Variants in ADAMTS3 observed in about 807,000 individuals in gnomAD.
ADAMTS3 encodes ADAM metallopeptidase with thrombospondin type 1 motif 3.
ADAMTS3 carries 73 observed loss-of-function variants against 129.0 expected under a neutral mutation model. The ratio of observed to expected loss-of-function variants is 0.57; its 90% CI spans 0.47 to 0.69. The LOEUF (loss-of-function observed/expected upper bound fraction) is 0.69. ADAMTS3 is among the 30% of genes least tolerant of loss of function. ADAMTS3 has a pLI of 0.00. For synonymous variants in ADAMTS3, 477 were observed against 510.8 expected (o/e 0.93, Z 0.89); for missense variants, 1,457 against 1,514.5 (o/e 0.96, Z 0.63).
At chr4:72,300,539 G>A (rs1278118972) in intron 17 of ADAMTS3, among the ~76,000 whole-genome samples, 1 of 152,102 alleles carries the variant, frequency 6.6e-6, no homozygotes, top group Non-Finnish European at 1.5e-5. Context: ...AACAGGATGA[G>A]AGTCTAGAAT....
intron 3 of ADAMTS3, among the ~76,000 whole-genome samples, chr4:72,496,338 C>T (rs1304562495): frequency 6.6e-6 from 1 of 152,162 alleles, no homozygotes; most frequent in African/African-American, 2.4e-5. Flanking sequence ...GTCAAGTGTT[C>T]ATTTTAGAGA....
chr4:72,349,552 T>C (rs1720373173), intron 4 of ADAMTS3, among the ~76,000 whole-genome samples: 1 of 152,030 alleles, frequency 6.6e-6, no homozygotes, highest in African/African-American at 2.4e-5. Context: ...TTATACACAA[T>C]TTTCCAAGAA....
At chr4:72,299,123 C>T (rs1718889473) in intron 17 of ADAMTS3, among the ~76,000 whole-genome samples, 1 of 145,604 alleles carries the variant, frequency 6.9e-6, no homozygotes, top group African/African-American at 2.5e-5. Flanking sequence ...ACTTTCCTGG[C>T]TTTGTTTATT....
At chr4:72,340,345 A>ATG (rs796631131) in intron 4 of ADAMTS3, among the ~76,000 whole-genome samples, 1 of 150,136 alleles carries the variant, frequency 6.7e-6, no homozygotes, top group African/African-American at 2.5e-5. Context: ...GTGTATGTGT[A>ATG]TGTGTGTGTG....
chr4:72,474,637 GACA>G (rs1447412406), intron 3 of ADAMTS3, among the ~76,000 whole-genome samples: 1 of 152,034 alleles, frequency 6.6e-6, no homozygotes, highest in Non-Finnish European at 1.5e-5. Flanking sequence ...CTGGTAAAAT[GACA>G]ACATCAGTAG....
chr4:72,518,430 A>T (rs1720558283), intron 3 of ADAMTS3, among the ~76,000 whole-genome samples: 1 of 152,180 alleles, frequency 6.6e-6, no homozygotes, highest in African/African-American at 2.4e-5. Flanking sequence ...TAATGTTGAC[A>T]GCGGGGTGTT....
At chr4:72,387,623 CT>C (rs1040881750) in intron 4 of ADAMTS3, among the ~76,000 whole-genome samples, 2 of 152,132 alleles carry the variant, frequency 1.3e-5, no homozygotes, top group African/African-American at 4.8e-5. Context: ...CCTTATCTCA[CT>C]CTAGATATGG....
At chr4:72,323,166 G>A (rs988329049) in intron 5 of ADAMTS3, 69 bp from the exon 6 acceptor site, 3 of 1,228,884 alleles carry the variant, frequency 2.4e-6, no homozygotes, top group Non-Finnish European at 3.6e-6. Flanking sequence ...GTACATATAA[G>A]CTGTGTAATC....
chr4:72,527,532 C>T (rs774518758), intron 3 of ADAMTS3, among the ~76,000 whole-genome samples: 1 of 152,094 alleles, frequency 6.6e-6, no homozygotes, highest in Non-Finnish European at 1.5e-5. Flanking sequence ...GAATCAATGA[C>T]TCAGCCAAGT....
intron 3 of ADAMTS3, among the ~76,000 whole-genome samples, chr4:72,481,963 C>T (rs1719448269): frequency 6.6e-6 from 1 of 151,988 alleles, no homozygotes; most frequent in Non-Finnish European, 1.5e-5. Flanking sequence ...TGAGCTATGA[C>T]TACACACTAT....
chr4:72,295,199 T>C (rs772847241), intron 19 of ADAMTS3, among the ~76,000 whole-genome samples: 1 of 152,042 alleles, frequency 6.6e-6, no homozygotes, highest in Non-Finnish European at 1.5e-5. Context: ...TACATGTTAA[T>C]ACAAACCCTG....
chr4:72,333,186 G>C (rs1344839530), intron 5 of ADAMTS3, among the ~76,000 whole-genome samples: 9 of 152,170 alleles, frequency 5.9e-5, no homozygotes, highest in Non-Finnish European at 2.9e-5. Context: ...TAAAATGTTA[G>C]TAGTGTAAGC....
At chr4:72,398,037 G>A (rs768629115) in intron 4 of ADAMTS3, among the ~76,000 whole-genome samples, 3 of 152,120 alleles carry the variant, frequency 2.0e-5, no homozygotes, top group East Asian at 1.9e-4. Flanking sequence ...GTTATCAGGA[G>A]ACAAAAGAAA....
intron 2 of ADAMTS3, among the ~76,000 whole-genome samples, chr4:72,553,745 C>T (rs770215482): frequency 6.6e-6 from 1 of 152,110 alleles, no homozygotes; most frequent in Non-Finnish European, 1.5e-5. Context: ...TACATGTTCT[C>T]TTCCACTCAG....
intron 3 of ADAMTS3, among the ~76,000 whole-genome samples, chr4:72,515,514 T>G (rs1301558225): frequency 5.4e-5 from 8 of 149,080 alleles, no homozygotes; most frequent in Non-Finnish European, 1.2e-4. Context: ...CCTGACTTTT[T>G]AATGATTGCC....
At chr4:72,436,309 C>A (rs1223254823) in intron 3 of ADAMTS3, among the ~76,000 whole-genome samples, 1 of 152,082 alleles carries the variant, frequency 6.6e-6, no homozygotes, top group African/African-American at 2.4e-5. Flanking sequence ...TAATGAGATA[C>A]CATCTCACGC....
intron 3 of ADAMTS3, among the ~76,000 whole-genome samples, chr4:72,459,560 A>G (rs1017957817): frequency 6.6e-6 from 1 of 151,534 alleles, no homozygotes; most frequent in African/African-American, 2.4e-5. Context: ...CAGTTCCACC[A>G]TCTATGAAAA....
chr4:72,449,162 C>T (rs1029542220), intron 3 of ADAMTS3, among the ~76,000 whole-genome samples: 5 of 151,598 alleles, frequency 3.3e-5, no homozygotes, highest in Non-Finnish European at 5.9e-5. Flanking sequence ...ACTTTTCAGA[C>T]AATTTACTTT....
chr4:72,546,397 AT>A (rs1721467368), intron 3 of ADAMTS3, among the ~76,000 whole-genome samples: 1 of 152,078 alleles, frequency 6.6e-6, no homozygotes, highest in Admixed American at 6.6e-5. Context: ...TTTACACTCT[AT>A]TTTATTAGAT....
Sources: gnomAD v4.1 joint callset for allele counts (sites outside exome capture counted in the v4.1 genomes callset) on GRCh38, gnomAD v4.1.1 for gene constraint, MANE v1.5 for transcripts, NCBI Gene and HGNC (gene_info 2026-07-23, HGNC 2026-07-21) for gene names.